The following SFSWAP variants were observed in gnomAD, a reference collection of about 807,000 sequenced individuals.
SFSWAP encodes the protein splicing factor, suppressor of white-apricot homolog.
SFSWAP carries 17 observed loss-of-function variants against 100.7 expected under a neutral mutation model. The ratio of observed to expected loss-of-function variants is 0.17; its 90% CI spans 0.12 to 0.25. SFSWAP has a LOEUF of 0.25. SFSWAP is among the 10% of genes least tolerant of loss of function. The probability of loss-of-function intolerance (pLI) is 1.00; values close to 1 mark genes in which losing one functional copy is unlikely to be tolerated. For missense variants in SFSWAP, 1,005 were observed against 1,262.6 expected (o/e 0.80, Z 3.09); for synonymous variants, 504 against 510.1 (o/e 0.99, Z 0.16).
intron 11 of SFSWAP, among the ~76,000 whole-genome samples, chr12:131,763,588 T>C (rs1244229383): frequency 4.6e-5 from 7 of 152,170 alleles, no homozygotes. Flanking sequence ...TCTAAACTTC[T>C]GTCACGCTGG....
At chr12:131,776,049 C>A (rs1883998549) in intron 13 of SFSWAP, among the ~76,000 whole-genome samples, 1 of 152,162 alleles carries the variant, frequency 6.6e-6, no homozygotes, top group Non-Finnish European at 1.5e-5. Flanking sequence ...TTGCGGTGAG[C>A]TGAGATCACG....
At chr12:131,792,304 A>G (rs1210148910) in intron 15 of SFSWAP, among the ~76,000 whole-genome samples, 7 of 131,634 alleles carry the variant, frequency 5.3e-5, no homozygotes, top group African/African-American at 2.1e-4. Flanking sequence ...CTGTGTGTGC[A>G]CCCGTGTGTG....
At chr12:131,735,176 C>T (rs1354663589) in intron 7 of SFSWAP, among the ~76,000 whole-genome samples, 1 of 152,202 alleles carries the variant, frequency 6.6e-6, no homozygotes, top group Non-Finnish European at 1.5e-5. Context: ...GCCCAAAAAT[C>T]AAGTCCCCAC....
chr12:131,717,492 G>C (rs927290358), intron 3 of SFSWAP, among the ~76,000 whole-genome samples: 1 of 151,994 alleles, frequency 6.6e-6, no homozygotes, highest in African/African-American at 2.4e-5. Flanking sequence ...TTAAATCTGA[G>C]TTTGTAGTGC....
chr12:131,740,485 C>G (rs1406857553), intron 7 of SFSWAP, among the ~76,000 whole-genome samples: 1 of 152,178 alleles, frequency 6.6e-6, no homozygotes, highest in Non-Finnish European at 1.5e-5. Flanking sequence ...ACCTTTCAGT[C>G]AGAGATTCAG....
At chr12:131,743,777 C>T (rs937515030) in intron 7 of SFSWAP, among the ~76,000 whole-genome samples, 5 of 152,258 alleles carry the variant, frequency 3.3e-5, no homozygotes, top group African/African-American at 7.2e-5. Context: ...ACTGCCCTAG[C>T]AAAGGTTCTC....
At chr12:131,795,731 G>C (rs772135723) in intron 15 of SFSWAP, among the ~76,000 whole-genome samples, 1 of 151,692 alleles carries the variant, frequency 6.6e-6, no homozygotes, top group Non-Finnish European at 1.5e-5. Context: ...GTGGCACGCA[G>C]AATCATAAGG....
At chr12:131,796,932 A>G in intron 15 of SFSWAP, 1 of 440,538 alleles carries the variant, frequency 2.3e-6, no homozygotes, top group Admixed American at 4.1e-5. Flanking sequence ...ACATGTAAAT[A>G]AAATGCTGGT....
chr12:131,743,052 G>A (rs531250044), intron 7 of SFSWAP, among the ~76,000 whole-genome samples: 6 of 152,214 alleles, frequency 3.9e-5, no homozygotes, highest in East Asian at 1.9e-4. Context: ...GGAAAGACCC[G>A]CCCCCATAAT....
At position 131,714,780 on chromosome 12, in the gene SFSWAP, A is replaced by G; in HGVS notation, c.389-42A>G. 1 of 1,578,698 alleles carries G rather than the reference A, an allele frequency of 6.3e-7. No homozygotes were observed. The highest frequency in any genetic ancestry group is 8.7e-7 in the Non-Finnish European group (1 of 1,149,916). ...AGAAATATATAAAGTTTTTCTCAGTAATTTTCTATTTTTGTTGATAAAATT... is the reference window on the plus strand; with the variant it reads ...AGAAATATATAAAGTTTTTCTCAGTGATTTTCTATTTTTGTTGATAAAATT... On this transcript the variant is annotated intron_variant, in intron 2 of 17. Transcript: ENST00000261674. This position sits in a 1 kb window ranked among gnomAD's most constrained non-coding sequence, Gnocchi z 6.0.
chr12:131,761,043 G>T (rs899103674), intron 11 of SFSWAP, among the ~76,000 whole-genome samples: 1 of 152,184 alleles, frequency 6.6e-6, no homozygotes, highest in Admixed American at 6.5e-5. Flanking sequence ...CTGCACTCCA[G>T]CCTGGGCGAA....
At chr12:131,755,270 C>T (rs1882050709) in intron 9 of SFSWAP, 116 bp from the exon 10 acceptor site, 1 of 727,200 alleles carries the variant, frequency 1.4e-6, no homozygotes, top group Admixed American at 2.5e-5. Flanking sequence ...GTAGCTAAAA[C>T]AGTAACCACC....
chr12:131,760,435 C>T (rs183398831), intron 11 of SFSWAP, among the ~76,000 whole-genome samples: 3 of 152,090 alleles, frequency 2.0e-5, no homozygotes, highest in Admixed American at 6.5e-5. Flanking sequence ...TCAATGTAGC[C>T]TCATTAACAA....
At chr12:131,769,392 T>C (rs1883395941) in intron 13 of SFSWAP, among the ~76,000 whole-genome samples, 1 of 152,032 alleles carries the variant, frequency 6.6e-6, no homozygotes, top group Non-Finnish European at 1.5e-5. Context: ...GGTAAAGGGG[T>C]TAATTGAAAG....
rs140087973 is a variant in SFSWAP, at chr12:131,797,238, G to T, written c.2595G>T (p.Arg865Ser). Residue 865 changes from arginine (R) to serine (S), a missense_variant, in exon 16 of 18, where the codon AGG becomes AGT. Around this residue, in one of 7 missense-constraint regions of SFSWAP, gnomAD observed 295 missense variants for 347.9 expected, o/e 0.85. Coordinates refer to ENST00000261674, the MANE Select transcript of SFSWAP (RefSeq NM_004592.4). ...RSRSRTKSKA[R>S]SQSVSPSKQA... ...GGTCGCGGACCAAGTCCAAGGCCAG[G>T]TCTCAGTCGGTGTCACCCAGCAAGC... is the stretch of plus-strand genomic sequence containing the variant. 1.9e-6 allele frequency: 3 copies of T among 1,612,586 alleles called. No individual in the cohort carries two copies. The highest frequency in any genetic ancestry group is 8.5e-7 in the Non-Finnish European group (1 of 1,179,854).
At chr12:131,760,680 A>G (rs1882588480) in intron 11 of SFSWAP, among the ~76,000 whole-genome samples, 1 of 152,216 alleles carries the variant, frequency 6.6e-6, no homozygotes, top group Admixed American at 6.5e-5. Context: ...AAAACTTGGA[A>G]ACAGTTATGG....
chr12:131,711,280 G>A lies in SFSWAP; in HGVS notation c.51G>A (p.Ala17=), dbSNP rs760540331. Residue 17 remains alanine (A), a synonymous_variant, in exon 1 of 18, where the codon GCG becomes GCA. Coordinates refer to ENST00000261674, the MANE Select transcript of SFSWAP (RefSeq NM_004592.4). This position sits in a 1 kb window ranked among gnomAD's most constrained non-coding sequence, Gnocchi z 4.9. The stretch of plus-strand genomic sequence containing the variant: ...CCAAACCCGAGAGGAAAAGCGGCGC[G>A]AAGGAGGAGGCCGGGCCAGGCGGTG... ...GRAKPERKSG[A]KEEAGPGGAG... The A allele has an allele frequency of 1.9e-6, 3 of 1,612,336 alleles. No individual in the cohort carries two copies. In the African/African-American group the frequency reaches 4.0e-5, roughly 22 times the overall value.
intron 15 of SFSWAP, among the ~76,000 whole-genome samples, chr12:131,792,378 G>A (rs558683960): frequency 6.8e-6 from 1 of 147,276 alleles, no homozygotes; most frequent in African/African-American, 2.5e-5. Context: ...GTGTGCGCCC[G>A]TGTGTGTTCA....
intron 7 of SFSWAP, among the ~76,000 whole-genome samples, chr12:131,751,206 A>G (rs1447471074): frequency 6.6e-6 from 1 of 152,248 alleles, no homozygotes; most frequent in African/African-American, 2.4e-5. Flanking sequence ...TGCACTTTAC[A>G]CAGTTACATA....
Sources: allele counts gnomAD v4.1 joint callset (sites outside exome capture counted in the v4.1 genomes callset), GRCh38; gene constraint gnomAD v4.1.1; regional missense constraint gnomAD v4.1.1; non-coding constraint Gnocchi (gnomAD v3.1); transcripts MANE v1.5; gene names NCBI Gene and HGNC (gene_info 2026-07-23, HGNC 2026-07-21).